SEMA4D: variants seen among roughly 807,000 people sequenced by gnomAD.
The protein encoded by SEMA4D is semaphorin-4D.
A neutral mutation model predicts 74.8 loss-of-function variants in SEMA4D; 22 were observed. The observed-to-expected ratio is 0.29, with a 90% confidence interval of 0.21 to 0.42. The LOEUF is 0.42. Among genes scored for constraint, SEMA4D ranks in the 10% least tolerant of loss-of-function variants. SEMA4D has a pLI of 1.00. For synonymous variants in SEMA4D, 445 were observed against 463.7 expected, an observed-to-expected ratio of 0.96 and a Z score of 0.52; for missense variants, 937 against 1,118.4, an observed-to-expected ratio of 0.84 and a Z score of 2.31.
intron 1 of SEMA4D, among the ~76,000 whole-genome samples, chr9:89,476,538 C>T (rs1861792709): frequency 6.6e-6 from 1 of 152,168 alleles, no homozygotes; most frequent in African/African-American, 2.4e-5. Context: ...GGCTGACCTC[C>T]CCCAAGGAGA....
intron 2 of SEMA4D, among the ~76,000 whole-genome samples, chr9:89,408,254 C>A (rs900912707): frequency 2.2e-4 from 33 of 152,232 alleles, no homozygotes; most frequent in African/African-American, 7.7e-4. Context: ...CTGGAACAAA[C>A]AAGTCCTGGC....
At chr9:89,385,629 C>G (rs1352270498) in intron 13 of SEMA4D, 1 of 931,200 alleles carries the variant, frequency 1.1e-6, no homozygotes, top group Non-Finnish European at 1.3e-6. Context: ...AGGACCCAGG[C>G]TCCCAAGCTT....
chr9:89,387,504 T>C lies in SEMA4D; in HGVS notation c.1212A>G (p.Val404=). 6.2e-7 allele frequency: 1 copy of C among 1,614,246 alleles called. No homozygotes were observed. The highest frequency in any genetic ancestry group is 8.5e-7 in the Non-Finnish European group (1 of 1,180,038). ...VKDHPLMDDS[V]TPIDNRPRLI... is the part of the protein sequence containing the mutation. ...ACCTGGGCCTGTTGTCTATTGGGGT[T>C]ACCGAGTCATCCATCAAAGGGTGGT... Residue 404 remains valine (V), a synonymous_variant, in exon 12 of 16, where the codon GTA becomes GTG. Transcript: ENST00000422704.
chr9:89,388,846 AG>A (rs1265061305), intron 10 of SEMA4D, 25 bp downstream of exon 10: 5 of 1,609,750 alleles, frequency 3.1e-6, no homozygotes, highest in Non-Finnish European at 4.2e-6. Flanking sequence ...GGGAGCAAGG[AG>A]GGGGACTCCA....
exon 19 of SEMA4D, chr9:89,362,300 TCA>T (rs1832818222): frequency 2.1e-5 from 33 of 1,602,654 alleles, no homozygotes; most frequent in Non-Finnish European, 2.6e-5. Context: ...GCAAGACAGT[TCA>T]CAGTTGTGGG....
intron 11 of SEMA4D, among the ~76,000 whole-genome samples, chr9:89,388,409 A>G (rs1839030249): frequency 6.6e-6 from 1 of 152,268 alleles, no homozygotes; most frequent in Non-Finnish European, 1.5e-5. Flanking sequence ...ATTGTGCAAA[A>G]CAGCTGCCCC....
At chr9:89,416,962 C>T (rs919169955) in intron 2 of SEMA4D, among the ~76,000 whole-genome samples, 2 of 152,078 alleles carry the variant, frequency 1.3e-5, no homozygotes, top group African/African-American at 2.4e-5. Context: ...TGAGAAGTGG[C>T]TTCCTTTCCC....
At chr9:89,373,956 G>C (rs1220155801), downstream of SEMA4D, among the ~76,000 whole-genome samples, 1 of 152,210 alleles carries the variant, frequency 6.6e-6, no homozygotes, top group Non-Finnish European at 1.5e-5. Context: ...GAAATTCACA[G>C]CCACAGCCCC....
chr9:89,473,300 C>T (rs1176296731), intron 1 of SEMA4D, among the ~76,000 whole-genome samples: 1 of 151,918 alleles, frequency 6.6e-6, no homozygotes, highest in African/African-American at 2.4e-5. Flanking sequence ...AAAGGCTGGG[C>T]ACAGGGTCTG....
chr9:89,385,964 C>A, intron 13 of SEMA4D: 1 of 980,642 alleles, frequency 1.0e-6, no homozygotes, highest in Non-Finnish European at 1.2e-6. Flanking sequence ...TGAGACGAAC[C>A]ACTTCTCTTG....
intron 1 of SEMA4D, among the ~76,000 whole-genome samples, chr9:89,456,182 G>T (rs1855885672): frequency 6.6e-6 from 1 of 152,204 alleles, no homozygotes; most frequent in Non-Finnish European, 1.5e-5. Context: ...AACTGGGAGG[G>T]AGGCATCATC....
chr9:89,387,039 C>T (rs974872289), intron 12 of SEMA4D: 3 of 244,334 alleles, frequency 1.2e-5, no homozygotes, highest in African/African-American at 4.5e-5. Context: ...AGTCAGGAAA[C>T]GCCAGGCTGA....
chr9:89,428,819 T>C (rs1423166033), intron 2 of SEMA4D, among the ~76,000 whole-genome samples: 2 of 152,050 alleles, frequency 1.3e-5, no homozygotes, highest in African/African-American at 4.8e-5. Flanking sequence ...CATAGGGAAA[T>C]ACGCAAGAAA....
chr9:89,403,962 TTTCTG>T (rs1217948389), intron 3 of SEMA4D, among the ~76,000 whole-genome samples: 1 of 152,176 alleles, frequency 6.6e-6, no homozygotes, highest in Non-Finnish European at 1.5e-5. Context: ...GTGTTCATAC[TTTCTG>T]TTCTAATTTT....
At chr9:89,488,492 G>A (rs1201918054) in intron 1 of SEMA4D, among the ~76,000 whole-genome samples, 1 of 149,708 alleles carries the variant, frequency 6.7e-6, no homozygotes. Context: ...CCTGCCTCAG[G>A]CTCCCAAGAA....
chr9:89,431,201 G>C (rs1053483184), intron 2 of SEMA4D, among the ~76,000 whole-genome samples: 10 of 152,212 alleles, frequency 6.6e-5, no homozygotes, highest in African/African-American at 2.2e-4. Context: ...CCCAGGGAAT[G>C]GCCTGACTGG....
intron 4 of SEMA4D, among the ~76,000 whole-genome samples, chr9:89,399,834 C>T (rs1454830812): frequency 9.9e-5 from 15 of 151,626 alleles, no homozygotes; most frequent in Non-Finnish European, 2.2e-4. Flanking sequence ...TCCATCTTTA[C>T]TAAAAATACA....
At chr9:89,387,860 T>G (rs13298660) in intron 11 of SEMA4D, among the ~76,000 whole-genome samples, 60,348 of 152,150 alleles carry the variant, frequency 0.4, 12,284 homozygotes, top group African/African-American at 0.45. Context: ...GAAGGAATTT[T>G]TATCTATTTG....
At chr9:89,406,627 A>G (rs1843380346) in intron 2 of SEMA4D, among the ~76,000 whole-genome samples, 1 of 152,222 alleles carries the variant, frequency 6.6e-6, no homozygotes, top group African/African-American at 2.4e-5. Context: ...GGTTCACTCT[A>G]TGAGAATGTC....
Sources: allele counts gnomAD v4.1 joint callset (sites outside exome capture counted in the v4.1 genomes callset), GRCh38; gene constraint gnomAD v4.1.1; transcripts MANE v1.5; gene names NCBI Gene and HGNC (gene_info 2026-07-23, HGNC 2026-07-21).